WTAP: variants seen among roughly 807,000 people sequenced by gnomAD.
WTAP encodes the protein WT1 associated protein.
In WTAP, 8 loss-of-function variants were observed where a neutral mutation model predicts 50.0. The observed-to-expected ratio is 0.16, with a 90% confidence interval of 0.09 to 0.29. WTAP has a LOEUF of 0.29. WTAP is among the 10% of genes least tolerant of loss of function. The pLI is 1.00. For missense variants in WTAP, 295 were observed against 470.7 expected (o/e 0.63, Z 3.45); for synonymous variants, 194 against 169.0 (o/e 1.15, Z -1.15).
intron 6 of WTAP, 46 bp from the exon 7 acceptor site, chr6:159,753,412 CAG>C (rs376687721): frequency 9.9e-5 from 160 of 1,613,348 alleles, no homozygotes; most frequent in Non-Finnish European, 1.2e-4. Flanking sequence ...TAAGCAAAGA[CAG>C]AGAGTTTTGT....
At chr6:159,744,721 A>AC (rs200737470) in intron 5 of WTAP, among the ~76,000 whole-genome samples, 25 of 150,930 alleles carry the variant, frequency 1.7e-4, no homozygotes, top group South Asian at 4.2e-4. Flanking sequence ...TTTCCCACTA[A>AC]CCCCCCCGCC....
In WTAP at chr6:159,727,536, C is replaced by T. The variant is rs1262859315; in HGVS notation, c.-176C>T. ...TCAGCGCCATTTTGTGGCAGCGAGA[C>T]CCACAAATAAAGGGGAGCGCAGGGG... On this transcript the variant is annotated 5_prime_UTR_variant, in exon 1 of 8. Transcript: ENST00000621533. 4 of 991,566 alleles carry T rather than the reference C, an allele frequency of 4.0e-6. No homozygotes were observed. Among genetic ancestry groups the T allele is most frequent in the Non-Finnish European group, 4.8e-6 (4 of 834,832 alleles). The allele number at this position is 991,566 out of a possible 1,614,324, so 61.4% of individuals were successfully genotyped here. A position where few individuals can be genotyped will look rare whatever the true frequency, so the allele number is the denominator to read the frequency against.
In WTAP at chr6:159,755,706, TGTGGG is replaced by T; in HGVS notation, c.*96_*100del. The stretch of plus-strand genomic sequence containing the variant: ...ATACTTTTGTCACAATTTGCCTTTT[TGTGGG>T]TGTACGTTTTGGTTTTTTTTTGTTG... On this transcript the variant is annotated 3_prime_UTR_variant, in exon 8 of 8. Transcript: ENST00000621533. 1 of 1,295,718 alleles carries T rather than the reference TGTGGG, an allele frequency of 7.7e-7. No individual in the cohort carries two copies. Among genetic ancestry groups the T allele is most frequent in the Non-Finnish European group, 9.8e-7 (1 of 1,023,832 alleles). The allele number at this position is 1,295,718 out of a possible 1,614,324, so 80.3% of individuals were successfully genotyped here. A position where few individuals can be genotyped will look rare whatever the true frequency, so the allele number is the denominator to read the frequency against.
intron 5 of WTAP, among the ~76,000 whole-genome samples, chr6:159,747,807 G>A (rs763313316): frequency 6.6e-6 from 1 of 152,122 alleles, no homozygotes; most frequent in Non-Finnish European, 1.5e-5. Flanking sequence ...TGTTTGGATT[G>A]TAAAGTAAAA....
chr6:159,751,639 C>T (rs1049005219), intron 6 of WTAP, among the ~76,000 whole-genome samples: 1 of 152,230 alleles, frequency 6.6e-6, no homozygotes. Flanking sequence ...AAGAATAAAG[C>T]CTTTACCACA....
chr6:159,753,361 A>T lies in WTAP; in HGVS notation c.453-99A>T, dbSNP rs1779889673. The T allele has an allele frequency of 5.3e-6, 8 of 1,508,652 alleles. 1 individual carries two copies. The South Asian group carries it at 8.1e-5, about 15-fold the overall frequency. The allele number at this position is 1,508,652 out of a possible 1,614,324, so 93.5% of individuals were successfully genotyped here. ...TATGGGGAAGCATCTGCTGTGATAT[A>T]GTTATGTTTGTATGTGTTACATCTA... On this transcript the variant is annotated intron_variant, in intron 6 of 7. Transcript: ENST00000621533.
At position 159,730,256 on chromosome 6, in the gene WTAP, C is replaced by G. The variant is rs544240793; in HGVS notation, c.-9+2553C>G. On this transcript the variant is annotated intron_variant, in intron 1 of 7. Coordinates refer to ENST00000621533, the MANE Select transcript of WTAP (RefSeq NM_001270531.2). The stretch of plus-strand genomic sequence containing the variant: ...AAGTGCTGTTATTAAATGTGTGATT[C>G]ATAAGAACTGAACATATTTTCTTTA... Among the ~76,000 whole-genome samples the G allele has an allele frequency of 4.5e-4, 68 of 152,238 alleles. 2 individuals carry two copies. The highest frequency in any genetic ancestry group is 3.4e-3 in the Middle Eastern group (1 of 294).
intron 1 of WTAP, among the ~76,000 whole-genome samples, chr6:159,732,850 T>TCC: frequency 6.8e-6 from 1 of 147,754 alleles, no homozygotes; most frequent in South Asian, 2.1e-4. Context: ...GTCTGCTTCT[T>TCC]TCTCTCTCTC....
intron 6 of WTAP, among the ~76,000 whole-genome samples, chr6:159,750,371 A>G (rs1490559671): frequency 6.6e-6 from 1 of 152,180 alleles, no homozygotes; most frequent in Non-Finnish European, 1.5e-5. Flanking sequence ...TGTCATTGTT[A>G]AAATTTTCTC....
intron 2 of WTAP, among the ~76,000 whole-genome samples, chr6:159,737,134 G>A (rs1452343374): frequency 6.6e-6 from 1 of 151,728 alleles, no homozygotes; most frequent in Non-Finnish European, 1.5e-5. Flanking sequence ...TGCAGTCTCC[G>A]CCTCCTGGGC....
At chr6:159,740,414 C>G (rs1319948456) in intron 3 of WTAP, among the ~76,000 whole-genome samples, 1 of 152,058 alleles carries the variant, frequency 6.6e-6, no homozygotes, top group Non-Finnish European at 1.5e-5. Context: ...CTCTTTGATT[C>G]CCTTGGAGAT....
intron 3 of WTAP, among the ~76,000 whole-genome samples, chr6:159,739,746 A>G (rs1047810895): frequency 1.4e-5 from 2 of 147,516 alleles, no homozygotes; most frequent in African/African-American, 5.0e-5. Flanking sequence ...GCTAACACAG[A>G]TTTTGTTGTT....
intron 1 of WTAP, 136 bp downstream of exon 1, chr6:159,727,839 C>G (rs1483563012): frequency 2.0e-5 from 12 of 593,682 alleles, no homozygotes; most frequent in South Asian, 7.4e-5. Flanking sequence ...ACCGGTCTCT[C>G]GTGAGCCGCT....
chr6:159,737,692 A>G (rs369413189), intron 2 of WTAP, among the ~76,000 whole-genome samples: 57 of 151,834 alleles, frequency 3.8e-4, no homozygotes, highest in East Asian at 1.5e-3. Flanking sequence ...GGGTTTTGCC[A>G]TGTTACCCAG....
At chr6:159,752,828 C>T (rs1371243009) in intron 6 of WTAP, among the ~76,000 whole-genome samples, 3 of 152,166 alleles carry the variant, frequency 2.0e-5, no homozygotes, top group African/African-American at 7.2e-5. Context: ...CAGCGTCAAC[C>T]ACTTGGGCTT....
chr6:159,734,908 C>CT (rs537523295), intron 1 of WTAP, among the ~76,000 whole-genome samples: 2 of 151,026 alleles, frequency 1.3e-5, no homozygotes, highest in South Asian at 2.1e-4. Context: ...TTTTCTTTGT[C>CT]TTTTTTTTGT....
At position 159,748,440 on chromosome 6, in the gene WTAP, C is replaced by G; in HGVS notation, c.452+71C>G. The G allele has an allele frequency of 6.3e-7, 1 of 1,576,314 alleles. No homozygotes were observed. The highest frequency in any genetic ancestry group is 8.6e-7 in the Non-Finnish European group (1 of 1,159,856). On this transcript the variant is annotated intron_variant, in intron 6 of 7. Coordinates refer to ENST00000621533, the MANE Select transcript of WTAP (RefSeq NM_001270531.2). The surrounding 1 kb of genome is among the most constrained non-coding windows in gnomAD (Gnocchi z 5.6). ...CTACGAGAAAGCTGTGGTGGGACAG[C>G]CAAGTACTCGTTTCCACACCAAGAC...
chr6:159,729,043 T>C (rs1778402380), intron 1 of WTAP, among the ~76,000 whole-genome samples: 1 of 152,204 alleles, frequency 6.6e-6, no homozygotes, highest in Admixed American at 6.5e-5. Context: ...TTTTTGTGTA[T>C]TGTTTGTCAG....
Position 159,750,489 on chromosome 6 carries a change from C to A in WTAP, c.452+2120C>A, listed in dbSNP as rs114667352. On this transcript the variant is annotated intron_variant, in intron 6 of 7. Transcript: ENST00000621533. ...GATGTGACCTTGACATCCTCATTCT[C>A]TTCTCCAAGAGCAGTAACTGCTATT... Among the ~76,000 whole-genome samples, 790 of 152,310 alleles carry A rather than the reference C, an allele frequency of 5.2e-3. 5 individuals are homozygous for A. Among genetic ancestry groups the A allele is most frequent in the African/African-American group, 0.018 (748 of 41,586 alleles).
Sources: gnomAD v4.1 joint callset for allele counts (sites outside exome capture counted in the v4.1 genomes callset) on GRCh38, gnomAD v4.1.1 for gene constraint, Gnocchi (gnomAD v3.1) non-coding constraint, MANE v1.5 for transcripts, NCBI Gene and HGNC (gene_info 2026-07-23, HGNC 2026-07-21) for gene names.